Variants in SUPT5H observed in about 807,000 individuals in gnomAD.
SUPT5H encodes SPT5 homolog, DSIF elongation factor subunit, also known as transcription elongation factor SPT5.
SUPT5H carries 24 observed loss-of-function variants against 142.5 expected under a neutral mutation model. That is an observed-to-expected ratio of 0.17 (90% CI 0.12 to 0.24). The LOEUF (loss-of-function observed/expected upper bound fraction) is 0.24. Among genes scored for constraint, SUPT5H ranks in the 10% least tolerant of loss-of-function variants. The probability of loss-of-function intolerance (pLI) is 1.00; values close to 1 mark genes in which losing one functional copy is unlikely to be tolerated. For synonymous variants in SUPT5H, 546 were observed against 553.0 expected (o/e 0.99, Z 0.18); for missense variants, 893 against 1,471.8 (o/e 0.61, Z 6.43).
In SUPT5H at chr19:39,473,140, A is replaced by G; in HGVS notation, c.2258+26A>G. ...GTACGGGCGGGGCCTGGGGAGGGCC[A>G]GGGTGGGGCTTGCTAGGCAGTGAGA... is the stretch of plus-strand genomic sequence containing the variant. On this transcript the variant is annotated intron_variant, in intron 23 of 29. Transcript: ENST00000432763. The surrounding 1 kb of genome is among the most constrained non-coding windows in gnomAD (Gnocchi z 5.8). 1 of 1,611,592 alleles carries G rather than the reference A, an allele frequency of 6.2e-7. No individual in the cohort carries two copies. The highest frequency in any genetic ancestry group is 8.5e-7 in the Non-Finnish European group (1 of 1,179,526).
intron 28 of SUPT5H, chr19:39,475,302 C>T (rs1427127772): frequency 6.7e-6 from 1 of 148,364 alleles, no homozygotes; most frequent in Non-Finnish European, 1.5e-5. Context: ...GAGGCTGAGG[C>T]AGGAGAATCG....
chr19:39,471,654 A>G lies in SUPT5H; in HGVS notation c.1874A>G (p.His625Arg), dbSNP rs771132452. ...CTCTTCCGAAGCTTCGCCTTCCTAC[A>G]TTGCAAGAAACTGGTGGAGAACGGG... ...RHLFRSFAFL[H>R]CKKLVENGGM... Residue 625 changes from histidine to arginine, a missense_variant, in exon 20 of 30, where the codon CAT becomes CGT. Physicochemically the swap from His to Arg is conservative, Grantham distance 29. Coordinates refer to ENST00000432763, the MANE Select transcript of SUPT5H (RefSeq NM_001111020.3). The G allele has an allele frequency of 4.3e-6, 7 of 1,614,202 alleles. No homozygotes were observed. Among genetic ancestry groups the G allele is most frequent in the Non-Finnish European group, 5.1e-6 (6 of 1,180,022 alleles).
chr19:39,449,252 CAG>C (rs956150269), intron 2 of SUPT5H, among the ~76,000 whole-genome samples: 2 of 151,794 alleles, frequency 1.3e-5, no homozygotes, highest in African/African-American at 4.8e-5. Context: ...CTGAGGTGAG[CAG>C]AGAGTGGTGG....
At chr19:39,475,465 C>T (rs1237521177) in intron 28 of SUPT5H, among the ~76,000 whole-genome samples, 2 of 150,888 alleles carry the variant, frequency 1.3e-5, no homozygotes, top group Non-Finnish European at 2.9e-5. Context: ...GCCTGGAGGA[C>T]CTAGACTGTC....
chr19:39,476,019 G>T, intron 28 of SUPT5H, 62 bp from the exon 29 acceptor site: 1 of 1,456,346 alleles, frequency 6.9e-7, no homozygotes, highest in Non-Finnish European at 9.6e-7. Flanking sequence ...GTCCCCTGGA[G>T]TATGGGCCTC....
At position 39,474,183 on chromosome 19, in the gene SUPT5H, CT is replaced by C. The variant is rs1310746636; in HGVS notation, c.2652-47del. 1.2e-6 allele frequency: 2 copies of C among 1,612,294 alleles called. No individual in the cohort carries two copies. Among genetic ancestry groups the C allele is most frequent in the African/African-American group, 2.7e-5 (2 of 74,876 alleles). Reference sequence around the variant, plus strand: ...CCAAACCCTCCTACTGCCACCACCTCTTTTCCCCTCCCTCCTCCAACAAATG... The same window carrying C: ...CCAAACCCTCCTACTGCCACCACCTCTTTCCCCTCCCTCCTCCAACAAATG... On this transcript the variant is annotated intron_variant, in intron 26 of 29. Transcript: ENST00000432763. This position sits in a 1 kb window ranked among gnomAD's most constrained non-coding sequence, Gnocchi z 6.5.
In SUPT5H at chr19:39,465,061, G is replaced by A. The variant is rs756654555; in HGVS notation, c.876+12G>A. On this transcript the variant is annotated intron_variant, in intron 11 of 29. Coordinates refer to ENST00000432763, the MANE Select transcript of SUPT5H (RefSeq NM_001111020.3). ...ATGACATTGCTCAGGTGCCCGGGGC[G>A]GGGTGGCATGGGGGTCAGGGTCCCT... is the stretch of plus-strand genomic sequence containing the variant. The A allele has an allele frequency of 1.2e-5, 20 of 1,605,872 alleles. No individual in the cohort carries two copies. The Admixed American group carries it at 1.3e-4, about 11-fold the overall frequency.
chr19:39,462,539 T>G (rs535993253), intron 10 of SUPT5H, among the ~76,000 whole-genome samples: 18 of 152,188 alleles, frequency 1.2e-4, no homozygotes, highest in East Asian at 1.2e-3. Context: ...TTTTTTTGTT[T>G]GTTTTTTTGA....
rs768699106 is a variant in SUPT5H at position 39,474,023 on chromosome 19, T to C, written c.2553T>C (p.Tyr851=). 3 of 1,613,616 alleles carry C rather than the reference T, an allele frequency of 1.9e-6. No individual in the cohort carries two copies. The highest frequency in any genetic ancestry group is 4.5e-5 in the East Asian group (2 of 44,886). The part of the protein sequence containing the change: ...DDEPTPSPQA[Y]GGTPNPQTPG... ...AGCCCACCCCGTCCCCGCAGGCCTA[T>C]GGGGGAACCCCCAATCCCCAAACAC... The change falls in exon 26 of 30, where the codon TAT becomes TAC. Residue 851 remains tyrosine, a synonymous_variant. Coordinates refer to ENST00000432763, the MANE Select transcript of SUPT5H (RefSeq NM_001111020.3). This position sits in a 1 kb window ranked among gnomAD's most constrained non-coding sequence, Gnocchi z 6.5.
chr19:39,467,391 A>C (rs1209240277), intron 13 of SUPT5H: 1 of 152,252 alleles, frequency 6.6e-6, no homozygotes, highest in African/African-American at 2.4e-5. Context: ...TCAAAAAAAA[A>C]GAAAACAACC....
rs1163109316 is a variant in SUPT5H, at chr19:39,469,839, T to C, written c.1375-280T>C. ...AGGAGCTGTCCAGTCGGGGGTCCTGTGTCTGAGGGGCAGGCTCTCTGTGTG... is the reference window on the plus strand; with the variant it reads ...AGGAGCTGTCCAGTCGGGGGTCCTGCGTCTGAGGGGCAGGCTCTCTGTGTG... On this transcript the variant is annotated intron_variant, in intron 16 of 29. Transcript: ENST00000432763. This position sits in a 1 kb window ranked among gnomAD's most constrained non-coding sequence, Gnocchi z 5.1. The C allele has an allele frequency of 6.2e-6, 3 of 486,962 alleles. No individual in the cohort carries two copies. The highest frequency in any genetic ancestry group is 1.1e-5 in the Non-Finnish European group (3 of 269,808). 30.2% of individuals were successfully genotyped at this position (486,962 alleles called of 1,614,324 possible).
At chr19:39,463,310 C>G (rs1213815130) in intron 10 of SUPT5H, among the ~76,000 whole-genome samples, 1 of 151,744 alleles carries the variant, frequency 6.6e-6, no homozygotes, top group Non-Finnish European at 1.5e-5. Context: ...CCTTTTTTTT[C>G]TTTTAGTTGG....
intron 3 of SUPT5H, among the ~76,000 whole-genome samples, chr19:39,454,561 C>T (rs1444622299): frequency 2.0e-5 from 3 of 151,880 alleles, no homozygotes; most frequent in Non-Finnish European, 4.4e-5. Context: ...AGGATGGTCT[C>T]GAACTCCTGA....
chr19:39,462,932 C>T (rs184685083), intron 10 of SUPT5H, among the ~76,000 whole-genome samples: 2,275 of 149,454 alleles, frequency 0.015, 30 homozygotes, highest in Admixed American at 0.026. Flanking sequence ...CTGCACCTCC[C>T]GGGTTCAAGC....
chr19:39,458,173 C>T lies in SUPT5H; in HGVS notation c.308-121C>T. The T allele has an allele frequency of 2.2e-5, 32 of 1,484,616 alleles. No individual in the cohort carries two copies. Among genetic ancestry groups the T allele is most frequent in the Non-Finnish European group, 2.8e-5 (31 of 1,112,462 alleles). The allele number at this position is 1,484,616 out of a possible 1,614,324, so 92.0% of individuals were successfully genotyped here. ...CTTTCTGTGTCCCTCCCTTCCCCTCCCCCAACCCATTGGTTGATTTTGCTG... is the reference window on the plus strand; with the variant it reads ...CTTTCTGTGTCCCTCCCTTCCCCTCTCCCAACCCATTGGTTGATTTTGCTG... On this transcript the variant is annotated intron_variant, in intron 4 of 29. Transcript: ENST00000432763. The surrounding 1 kb of genome is among the most constrained non-coding windows in gnomAD (Gnocchi z 4.2).
At chr19:39,468,961 A>C (rs928613223) in intron 14 of SUPT5H, 100 bp downstream of exon 14, 5 of 1,550,318 alleles carry the variant, frequency 3.2e-6, no homozygotes, top group Non-Finnish European at 4.4e-6. Context: ...CCCACTCCTC[A>C]AGTTAGGAGT....
At chr19:39,457,819 C>T (rs751100355) in intron 4 of SUPT5H, 79 bp downstream of exon 4, 22 of 1,600,030 alleles carry the variant, frequency 1.4e-5, no homozygotes, top group Non-Finnish European at 1.8e-5. Flanking sequence ...TCCCCCGACC[C>T]CCGCATCCCC....
At position 39,473,610 on chromosome 19, in the gene SUPT5H, GC is replaced by G; in HGVS notation, c.2492+92del. The G allele has an allele frequency of 7.3e-7, 1 of 1,366,636 alleles. No homozygotes were observed. Among genetic ancestry groups the G allele is most frequent in the Non-Finnish European group, 1.0e-6 (1 of 1,004,328 alleles). 84.7% of individuals were successfully genotyped at this position (1,366,636 alleles called of 1,614,324 possible). On this transcript the variant is annotated intron_variant, in intron 25 of 29. Coordinates refer to ENST00000432763, the MANE Select transcript of SUPT5H (RefSeq NM_001111020.3). The surrounding 1 kb of genome is among the most constrained non-coding windows in gnomAD (Gnocchi z 5.8). ...CTGGGGCATTGGAGGGGTTTGTGGG[GC>G]CCACCCAGCATTCTCTGCTCCTAGC...
At chr19:39,446,040 C>T in intron 2 of SUPT5H, 75 bp downstream of exon 2, 1 of 1,493,826 alleles carries the variant, frequency 6.7e-7, no homozygotes, top group Admixed American at 1.9e-5. Flanking sequence ...CTGTGGGAGG[C>T]TCGAGGGGTT....
Sources: allele counts gnomAD v4.1 joint callset (sites outside exome capture counted in the v4.1 genomes callset), GRCh38; gene constraint gnomAD v4.1.1; non-coding constraint Gnocchi (gnomAD v3.1); transcripts MANE v1.5; gene names NCBI Gene and HGNC (gene_info 2026-07-23, HGNC 2026-07-21).